The following KIF11 variants were observed in gnomAD, a reference collection of about 807,000 sequenced individuals.
KIF11 encodes the protein kinesin-like protein KIF11.
A neutral mutation model predicts 121.0 loss-of-function variants in KIF11; 9 were observed. The observed-to-expected ratio is 0.07, with a 90% CI of 0.04 to 0.13. The LOEUF is 0.13. Ranked by LOEUF, KIF11 falls within the 10% of genes least tolerant of loss-of-function variation. The pLI is 1.00. For missense variants in KIF11, 846 were observed against 1,217.5 expected, an observed-to-expected ratio of 0.69 and a Z score of 4.54; for synonymous variants, 408 against 421.0, an observed-to-expected ratio of 0.97 and a Z score of 0.38.
chr10:92,651,821 C>G (rs776944320), intron 21 of KIF11, among the ~76,000 whole-genome samples: 64 of 152,014 alleles, frequency 4.2e-4, no homozygotes, highest in Non-Finnish European at 7.8e-4. Flanking sequence ...AAGTGAGGCT[C>G]TATAAAGTGC....
At chr10:92,597,033 T>C in intron 1 of KIF11, 1 of 394,858 alleles carries the variant, frequency 2.5e-6, no homozygotes, top group South Asian at 2.2e-5. Flanking sequence ...TTCCTGGATC[T>C]CCAAACCAAA....
chr10:92,609,838 G>A (rs1171355524), intron 6 of KIF11, among the ~76,000 whole-genome samples: 2 of 152,108 alleles, frequency 1.3e-5, no homozygotes, highest in Admixed American at 1.3e-4. Flanking sequence ...CCGGGTTGAA[G>A]CAATTCTCCT....
intron 15 of KIF11, 36 bp from the exon 16 acceptor site, chr10:92,637,351 T>G: frequency 6.3e-7 from 1 of 1,578,834 alleles, no homozygotes; most frequent in Admixed American, 2.2e-5. Flanking sequence ...ATTGATGTGT[T>G]GTTTAAGAAG....
At chr10:92,634,362 T>A (rs1021059022) in intron 14 of KIF11, among the ~76,000 whole-genome samples, 2 of 151,780 alleles carry the variant, frequency 1.3e-5, no homozygotes, top group Non-Finnish European at 2.9e-5. Flanking sequence ...CTCTGCCTCC[T>A]GGGTTCAAGC....
At chr10:92,648,132 AG>A in intron 18 of KIF11, 79 bp from the exon 19 acceptor site, 1 of 974,280 alleles carries the variant, frequency 1.0e-6, no homozygotes, top group South Asian at 1.8e-5. Context: ...ATTATGGAAA[AG>A]GTAAGGGAAA....
At chr10:92,607,478 A>G (rs1309884708) in intron 4 of KIF11, among the ~76,000 whole-genome samples, 1 of 152,190 alleles carries the variant, frequency 6.6e-6, no homozygotes, top group African/African-American at 2.4e-5. Context: ...AGAGGAGTCT[A>G]TTTATGACAG....
At chr10:92,595,614 G>A (rs973573109) in intron 1 of KIF11, among the ~76,000 whole-genome samples, 2 of 151,942 alleles carry the variant, frequency 1.3e-5, no homozygotes, top group Non-Finnish European at 2.9e-5. Context: ...CCACTTTTAA[G>A]TGTACAGTTC....
intron 10 of KIF11, among the ~76,000 whole-genome samples, chr10:92,622,012 C>T (rs1486315868): frequency 6.6e-6 from 1 of 152,202 alleles, no homozygotes; most frequent in Non-Finnish European, 1.5e-5. Flanking sequence ...TGGTGGCTCA[C>T]ACCTGTGAAT....
intron 8 of KIF11, among the ~76,000 whole-genome samples, chr10:92,616,267 C>A (rs1844556891): frequency 1.3e-5 from 2 of 151,202 alleles, no homozygotes; most frequent in South Asian, 4.2e-4. Flanking sequence ...TGCAGTGGCA[C>A]ATTCACTGTA....
Position 92,593,334 on chromosome 10 carries a change from C to G in KIF11, c.-42C>G. On this transcript the variant is annotated 5_prime_UTR_variant, in exon 1 of 22. Coordinates refer to ENST00000260731, the MANE Select transcript of KIF11 (RefSeq NM_004523.4). The stretch of plus-strand genomic sequence containing the variant: ...CAAGCCCCTCCGCCCCTCACAGCGC[C>G]CAGGTCCGCGGCCGGGCCTTGATTT... The G allele has an allele frequency of 1.3e-6, 2 of 1,576,028 alleles. No homozygotes were observed. The highest frequency in any genetic ancestry group is 1.7e-6 in the Non-Finnish European group (2 of 1,160,890).
rs777763361 is a variant in KIF11, at chr10:92,602,831, T to TACACAC, written c.78-3434_78-3433insACACAC. ...AAACACACACACACACACACGTGTG[T>TACACAC]GTGTGTGTGTGTGTGTGTGTGTGTG... On this transcript the variant is annotated intron_variant, in intron 1 of 21. Transcript: ENST00000260731. Among the ~76,000 whole-genome samples, 672 of 107,998 alleles carry TACACAC rather than the reference T, an allele frequency of 6.2e-3. 4 individuals carry two copies. The highest frequency in any genetic ancestry group is 0.035 in the African/African-American group (619 of 17,522). 70.9% of individuals were successfully genotyped at this position (107,998 alleles called of 152,430 possible).
chr10:92,601,213 T>A (rs1191158310), intron 1 of KIF11, among the ~76,000 whole-genome samples: 1 of 151,298 alleles, frequency 6.6e-6, no homozygotes, highest in Non-Finnish European at 1.5e-5. Context: ...TCTTCCTTTT[T>A]TTTTTGAGAT....
At chr10:92,618,020 G>C (rs908927503) in intron 9 of KIF11, among the ~76,000 whole-genome samples, 1 of 152,154 alleles carries the variant, frequency 6.6e-6, no homozygotes, top group South Asian at 2.1e-4. Context: ...TCACAGGCGT[G>C]AGCCAATACG....
In KIF11 at chr10:92,645,559, C is replaced by T; in HGVS notation, c.2464C>T (p.Leu822=). 6.2e-7 allele frequency: 1 copy of T among 1,613,304 alleles called. No individual in the cohort carries two copies. Among genetic ancestry groups the T allele is most frequent in the Non-Finnish European group, 8.5e-7 (1 of 1,179,366 alleles). ...AGAGACTGAACAGAGATGTGAATCTCTGAACACAAGAACAGTTTATTTTTC... is the reference window on the plus strand; with the variant it reads ...AGAGACTGAACAGAGATGTGAATCTTTGAACACAAGAACAGTTTATTTTTC... ...SQETEQRCES[L]NTRTVYFSEQ... Residue 822 remains leucine (L), a synonymous_variant, in exon 18 of 22, where the codon CTG becomes TTG. Transcript: ENST00000260731.
At chr10:92,637,666 C>G in intron 16 of KIF11, 121 bp downstream of exon 16, 1 of 893,770 alleles carries the variant, frequency 1.1e-6, no homozygotes, top group Non-Finnish European at 1.7e-6. Flanking sequence ...CTGAAAATAC[C>G]ATAGCCACTG....
chr10:92,630,400 T>C, intron 12 of KIF11, 36 bp downstream of exon 12: 2 of 1,348,980 alleles, frequency 1.5e-6, no homozygotes, highest in Non-Finnish European at 2.0e-6. Context: ...TCATATTAAG[T>C]AGAGAATGGG....
chr10:92,628,828 C>T lies in KIF11; in HGVS notation c.1238C>T (p.Thr413Ile). 6.3e-7 allele frequency: 1 copy of T among 1,597,948 alleles called. No individual in the cohort carries two copies. The highest frequency in any genetic ancestry group is 8.6e-7 in the Non-Finnish European group (1 of 1,168,064). The change falls in exon 11 of 22, where the codon ACT becomes ATT. Residue 413 changes from threonine (T) to isoleucine (I), a missense_variant. Thr to Ile is a moderately conservative substitution (Grantham distance 89). Coordinates refer to ENST00000260731, the MANE Select transcript of KIF11 (RefSeq NM_004523.4). Reference sequence around the variant, plus strand: ...TTTAGAGTCATGAGTGGAAAATTAACTGTTCAAGAAGAGCAGATTGTAGAA... The same window carrying T: ...TTTAGAGTCATGAGTGGAAAATTAATTGTTCAAGAAGAGCAGATTGTAGAA... ...ENFRVMSGKL[T>I]VQEEQIVELI... is the part of the protein sequence containing the mutation.
At chr10:92,594,954 C>T (rs1216572641) in intron 1 of KIF11, among the ~76,000 whole-genome samples, 5 of 152,028 alleles carry the variant, frequency 3.3e-5, no homozygotes, top group Non-Finnish European at 7.4e-5. Context: ...AGTAAATAGG[C>T]AACTTATGAG....
At chr10:92,609,692 T>C (rs1844473537) in intron 6 of KIF11, among the ~76,000 whole-genome samples, 183 bp downstream of exon 6, 1 of 152,088 alleles carries the variant, frequency 6.6e-6, no homozygotes, top group Non-Finnish European at 1.5e-5. Context: ...TGGAAGAATG[T>C]TGAAAGGAGA....
Sources: allele counts gnomAD v4.1 joint callset (sites outside exome capture counted in the v4.1 genomes callset), GRCh38; gene constraint gnomAD v4.1.1; transcripts MANE v1.5; gene names NCBI Gene and HGNC (gene_info 2026-07-23, HGNC 2026-07-21).